Variants in MYO18B observed in about 807,000 individuals in gnomAD.
MYO18B encodes the protein unconventional myosin-XVIIIb.
In MYO18B, 204 loss-of-function variants were observed where a neutral mutation model predicts 273.0. That is an observed-to-expected ratio of 0.75 (90% confidence interval 0.67 to 0.84). The LOEUF is 0.84. Ranked by LOEUF, MYO18B falls within the 40% of genes least tolerant of loss-of-function variation. The pLI is 0.00. For missense variants in MYO18B, 3,212 were observed against 3,287.6 expected (o/e 0.98, Z 0.56); for synonymous variants, 1,330 against 1,305.7 (o/e 1.02, Z -0.40).
intron 1 of MYO18B, among the ~76,000 whole-genome samples, chr22:25,745,948 C>T (rs982544473): frequency 2.0e-5 from 3 of 152,118 alleles, no homozygotes; most frequent in East Asian, 1.9e-4. Flanking sequence ...TGAGCTTGGG[C>T]GTGAGTTATT....
the MYO18B span, among the ~76,000 whole-genome samples, chr22:26,055,324 C>T: frequency 3.3e-5 from 5 of 152,180 alleles, no homozygotes; most frequent in African/African-American, 4.8e-5. Context: ...TTAAGTATAA[C>T]CTCATTATAT....
chr22:25,828,779 C>G lies in MYO18B; in HGVS notation c.2790C>G (p.Ser930=). ...CACCTCTCTCTTCTCTCCCTAGATCCTTTTCCTCCCACCATCTCTCCATGG... is the reference window on the plus strand; with the variant it reads ...CACCTCTCTCTTCTCTCCCTAGATCGTTTTCCTCCCACCATCTCTCCATGG... The part of the protein sequence containing the change: ...FAAVVSLINR[S]FSSHHLSMAS... The change falls in exon 15 of 44, where the codon TCC becomes TCG. Residue 930 remains serine (S), a synonymous_variant. Coordinates refer to ENST00000335473, the MANE Select transcript of MYO18B (RefSeq NM_032608.7). 1 of 1,613,192 alleles carries G rather than the reference C, an allele frequency of 6.2e-7. No individual in the cohort carries two copies. Among genetic ancestry groups the G allele is most frequent in the African/African-American group, 1.3e-5 (1 of 75,030 alleles).
chr22:25,876,043 TGTATGTG>T, intron 23 of MYO18B, 139 bp from the exon 24 acceptor site: 1 of 448,458 alleles, frequency 2.2e-6, no homozygotes, highest in Non-Finnish European at 3.9e-6. Flanking sequence ...TGTGTGTGTG[TGTATGTG>T]TTTTAAGGTA....
intron 1 of MYO18B, among the ~76,000 whole-genome samples, chr22:25,745,505 A>ACACACG (rs1568959033): frequency 5.4e-5 from 8 of 147,698 alleles, no homozygotes; most frequent in South Asian, 2.2e-4. Context: ...ACACACACGC[A>ACACACG]CACACATCTC....
chr22:25,776,968 A>C (rs950261478), intron 7 of MYO18B, among the ~76,000 whole-genome samples: 3 of 152,184 alleles, frequency 2.0e-5, no homozygotes, highest in Non-Finnish European at 4.4e-5. Context: ...CAGCCATTGT[A>C]ATAGGCATTT....
intron 1 of MYO18B, among the ~76,000 whole-genome samples, chr22:25,748,758 T>A (rs1043476377): frequency 1.3e-5 from 2 of 152,174 alleles, no homozygotes; most frequent in African/African-American, 4.8e-5. Context: ...CTCATCCCTC[T>A]CCCTTTCTCA....
chr22:25,991,357 C>T (rs1237264285), intron 39 of MYO18B, among the ~76,000 whole-genome samples: 1 of 152,200 alleles, frequency 6.6e-6, no homozygotes, highest in East Asian at 1.9e-4. Flanking sequence ...TGGGATTGTC[C>T]TGTGCCTTGT....
intron 12 of MYO18B, among the ~76,000 whole-genome samples, chr22:25,807,431 T>C (rs2088529791): frequency 6.6e-6 from 1 of 152,200 alleles, no homozygotes; most frequent in South Asian, 2.1e-4. Flanking sequence ...ATCACTTTAT[T>C]ATTTCCCAAG....
intron 12 of MYO18B, among the ~76,000 whole-genome samples, chr22:25,808,551 G>C (rs560634072): frequency 6.6e-6 from 1 of 152,204 alleles, no homozygotes; most frequent in East Asian, 1.9e-4. Flanking sequence ...TACATTCTGG[G>C]TGCTAGGATC....
chr22:25,866,696 G>T (rs781124234), intron 21 of MYO18B, among the ~76,000 whole-genome samples: 1 of 151,050 alleles, frequency 6.6e-6, no homozygotes, highest in Non-Finnish European at 1.5e-5. Flanking sequence ...AAAATTAGCC[G>T]GGCGTGGTGG....
the MYO18B span, among the ~76,000 whole-genome samples, chr22:26,061,438 G>A: frequency 6.6e-6 from 1 of 151,866 alleles, no homozygotes; most frequent in Non-Finnish European, 1.5e-5. Context: ...AATACTGGGT[G>A]GCTGTGTTCT....
At chr22:26,009,167 T>A (rs1934682044) in intron 42 of MYO18B, among the ~76,000 whole-genome samples, 1 of 152,262 alleles carries the variant, frequency 6.6e-6, no homozygotes, top group Non-Finnish European at 1.5e-5. Flanking sequence ...AAAATAATAA[T>A]GCCTTTAACT....
Position 25,917,545 on chromosome 22 carries a change from G to GGTGTGTGTGTGT in MYO18B, c.5365-3687_5365-3676dup, listed in dbSNP as rs3070569. Among the ~76,000 whole-genome samples the GGTGTGTGTGTGT allele has an allele frequency of 1.9e-3, 272 of 142,238 alleles. 1 individual carries two copies. Among genetic ancestry groups the GGTGTGTGTGTGT allele is most frequent in the African/African-American group, 4.8e-3 (182 of 38,224 alleles). 93.3% of individuals were successfully genotyped at this position (142,238 alleles called of 152,430 possible). A position where few individuals can be genotyped will look rare whatever the true frequency, so the allele number is the denominator to read the frequency against. ...CTATTTCATTTTAAAGCTTTGTAGG[G>GGTGTGTGTGTGT]GTGTGTGTGTGTGTGTGTGTGTGTG... On this transcript the variant is annotated intron_variant, in intron 33 of 43. Coordinates refer to ENST00000335473, the MANE Select transcript of MYO18B (RefSeq NM_032608.7).
chr22:25,803,684 C>T (rs75239319), intron 12 of MYO18B, among the ~76,000 whole-genome samples: 10,132 of 152,146 alleles, frequency 0.067, 583 homozygotes, highest in East Asian at 0.21. Flanking sequence ...AGCCTCAGTT[C>T]TCTCATCTAT....
At chr22:25,985,498 AT>A (rs1348189468) in intron 39 of MYO18B, among the ~76,000 whole-genome samples, 13 of 152,138 alleles carry the variant, frequency 8.5e-5, no homozygotes, top group Admixed American at 7.2e-4. Flanking sequence ...CTGGGCATAC[AT>A]TTGGGTTTTC....
chr22:25,761,587 C>T (rs1262804398), intron 2 of MYO18B, among the ~76,000 whole-genome samples: 1 of 152,180 alleles, frequency 6.6e-6, no homozygotes, highest in East Asian at 1.9e-4. Context: ...GGCTCTCCTC[C>T]CCAGATATTC....
rs67868761 is a variant in MYO18B, at chr22:25,747,615, A to ATT, written c.-110+5331_-110+5332dup. Among the ~76,000 whole-genome samples, 10 of 150,878 alleles carry ATT rather than the reference A, an allele frequency of 6.6e-5. No homozygotes were observed. In the South Asian group the frequency reaches 1.1e-3, roughly 16 times the overall value. On this transcript the variant is annotated intron_variant, in intron 1 of 43. Coordinates refer to ENST00000335473, the MANE Select transcript of MYO18B (RefSeq NM_032608.7). ...GAGCCAATGGGCTGGAGGAGCTGAG[A>ATT]TTTTTTTTTTCTAATTTCTCATAGA...
chr22:25,744,051 C>T (rs1232578756), intron 1 of MYO18B, among the ~76,000 whole-genome samples: 2 of 152,184 alleles, frequency 1.3e-5, no homozygotes, highest in Admixed American at 6.5e-5. Flanking sequence ...TGGAGAAGAG[C>T]TTTTCCTTTC....
At chr22:25,879,727 G>A (rs141849455) in intron 25 of MYO18B, among the ~76,000 whole-genome samples, 2 of 152,260 alleles carry the variant, frequency 1.3e-5, no homozygotes, top group Non-Finnish European at 2.9e-5. Flanking sequence ...ACCTGAACTG[G>A]GTAATTTATA....
Sources: gnomAD v4.1 joint callset for allele counts (sites outside exome capture counted in the v4.1 genomes callset) on GRCh38, gnomAD v4.1.1 for gene constraint, MANE v1.5 for transcripts, NCBI Gene and HGNC (gene_info 2026-07-23, HGNC 2026-07-21) for gene names.